The following ZNF487 variants were observed in gnomAD, a reference collection of about 807,000 sequenced individuals.
ZNF487 encodes the protein KRAB domain only 1.
In ZNF487, 4 loss-of-function variants were observed where a neutral mutation model predicts 3.0. The observed-to-expected ratio is 1.35, with a 90% CI of 0.66 to 3.08. The LOEUF (loss-of-function observed/expected upper bound fraction) is 3.08. ZNF487 is among the 30% of genes most tolerant of loss of function. The probability of loss-of-function intolerance (pLI) is 0.01; values close to 1 mark genes in which losing one functional copy is unlikely to be tolerated. For synonymous variants in ZNF487, 55 were observed against 34.6 expected (o/e 1.59, Z -2.06); for missense variants, 146 against 98.7 (o/e 1.48, Z -2.03).
the ZNF487 span, among the ~76,000 whole-genome samples, chr10:43,520,298 G>A: frequency 0.15 from 22,462 of 151,966 alleles, 1,817 homozygotes; most frequent in Middle Eastern, 0.22. Context: ...TTGATTGTAT[G>A]GCCTGGGTTG....
chr10:43,451,954 C>T (rs942932426), intron 1 of ZNF487: 6 of 152,244 alleles, frequency 3.9e-5, no homozygotes, highest in Non-Finnish European at 7.3e-5. Flanking sequence ...AGAGTTCCTA[C>T]ACCGCAAAGT....
At chr10:43,468,083 G>T (rs1203915388) in intron 1 of ZNF487, among the ~76,000 whole-genome samples, 1 of 152,180 alleles carries the variant, frequency 6.6e-6, no homozygotes, top group Non-Finnish European at 1.5e-5. Context: ...TGTGGAAATA[G>T]CATAACTAGA....
At chr10:43,515,126 G>A in the ZNF487 span, among the ~76,000 whole-genome samples, 104,187 of 152,130 alleles carry the variant, frequency 0.68, 37,543 homozygotes, top group Non-Finnish European at 0.81. Context: ...ATCAAACTTT[G>A]TGTTCTTTCC....
chr10:43,509,057 G>A, the ZNF487 span, among the ~76,000 whole-genome samples: 2 of 150,886 alleles, frequency 1.3e-5, no homozygotes, highest in Non-Finnish European at 1.5e-5. Flanking sequence ...AGCTAGGCAT[G>A]GTGGTGCACA....
the ZNF487 span, among the ~76,000 whole-genome samples, chr10:43,493,709 A>AAAAAAAAAAATATATAT: frequency 4.6e-5 from 2 of 43,720 alleles, no homozygotes; most frequent in Admixed American, 4.4e-4. Context: ...AAAAAAAAAA[A>AAAAAAAAAAATATATAT]ATATATATAT....
Position 43,482,825 on chromosome 10 carries a change from A to T in ZNF487, c.*903A>T. ...ATCAGAGAATTCACACAGGGGAGAA[A>T]CCCTATGAATGTAATGAATGTGAGA... On this transcript the variant is annotated 3_prime_UTR_variant, in exon 4 of 4. Coordinates refer to ENST00000437590, the MANE Select transcript of ZNF487 (RefSeq NM_001355444.3). 1.9e-6 allele frequency: 1 copy of T among 522,280 alleles called. No individual in the cohort carries two copies. Among genetic ancestry groups the T allele is most frequent in the Non-Finnish European group, 3.9e-6 (1 of 254,350 alleles). 32.4% of individuals were successfully genotyped at this position (522,280 alleles called of 1,614,324 possible).
chr10:43,504,842 G>A, the ZNF487 span, among the ~76,000 whole-genome samples: 1 of 151,810 alleles, frequency 6.6e-6, no homozygotes, highest in Admixed American at 6.6e-5. Flanking sequence ...GAGTAGCTGG[G>A]ACTACAGGCA....
chr10:43,463,635 C>G (rs1388550690), intron 1 of ZNF487, among the ~76,000 whole-genome samples: 2 of 151,802 alleles, frequency 1.3e-5, no homozygotes, highest in Non-Finnish European at 2.9e-5. Context: ...TCTTCCCATC[C>G]CACCTTGGTC....
the ZNF487 span, among the ~76,000 whole-genome samples, chr10:43,516,294 C>A: frequency 6.6e-6 from 1 of 152,264 alleles, no homozygotes; most frequent in East Asian, 1.9e-4. Context: ...GTTTTTCATA[C>A]TATTAGAAGT....
At chr10:43,493,321 C>T in the ZNF487 span, among the ~76,000 whole-genome samples, 64 of 152,202 alleles carry the variant, frequency 4.2e-4, no homozygotes, top group Middle Eastern at 6.8e-3. Context: ...CCTACATTTC[C>T]GCATTTCCTT....
intron 1 of ZNF487, among the ~76,000 whole-genome samples, chr10:43,467,714 G>A (rs185152492): frequency 1.4e-3 from 219 of 151,824 alleles, no homozygotes; most frequent in Non-Finnish European, 2.4e-3. Context: ...CTACTCGGGA[G>A]GCTGGGGCAA....
At chr10:43,465,920 C>A (rs1840680363) in intron 1 of ZNF487, among the ~76,000 whole-genome samples, 1 of 152,224 alleles carries the variant, frequency 6.6e-6, no homozygotes, top group Admixed American at 6.5e-5. Flanking sequence ...GTGAACGAGA[C>A]TCTGTCTGCA....
the ZNF487 span, chr10:43,523,801 G>A: frequency 5.9e-5 from 9 of 152,138 alleles, no homozygotes; most frequent in African/African-American, 1.9e-4. Context: ...ACTCACAGAA[G>A]GGAAAATCAC....
intron 3 of ZNF487, among the ~76,000 whole-genome samples, chr10:43,477,939 A>G (rs1441393323): frequency 6.6e-6 from 1 of 151,520 alleles, no homozygotes; most frequent in East Asian, 1.9e-4. Context: ...GACAAGAGCG[A>G]GACTCCATCT....
chr10:43,482,905 A>AG lies in ZNF487; in HGVS notation c.*984dup, dbSNP rs756676954. 1.2e-4 allele frequency: 66 copies of AG among 532,994 alleles called. No individual in the cohort carries two copies. Among genetic ancestry groups the AG allele is most frequent in the South Asian group, 8.5e-4 (61 of 71,724 alleles). 33.0% of individuals were successfully genotyped at this position (532,994 alleles called of 1,614,324 possible). On this transcript the variant is annotated 3_prime_UTR_variant, in exon 4 of 4. Transcript: ENST00000437590. Reference sequence around the variant, plus strand: ...GTACATCAGAGAACCCACACAGGAGAGAAACCCTATGCATGTAGTGAATGT... The same window carrying AG: ...GTACATCAGAGAACCCACACAGGAGAGGAAACCCTATGCATGTAGTGAATGT...
At chr10:43,508,961 G>A in the ZNF487 span, among the ~76,000 whole-genome samples, 4 of 152,268 alleles carry the variant, frequency 2.6e-5, no homozygotes, top group Middle Eastern at 6.8e-3. Flanking sequence ...TCAAGAGGCT[G>A]AGGCAGGCAG....
chr10:43,480,166 G>T (rs77339715), intron 3 of ZNF487, among the ~76,000 whole-genome samples: 10,587 of 150,088 alleles, frequency 0.071, 527 homozygotes, highest in East Asian at 0.2. Flanking sequence ...GGAGTGCAGT[G>T]GCACAATCTA....
chr10:43,464,230 C>T (rs1198613517), intron 1 of ZNF487, among the ~76,000 whole-genome samples: 2 of 150,266 alleles, frequency 1.3e-5, no homozygotes, highest in Non-Finnish European at 3.0e-5. Flanking sequence ...GTCACCCAGG[C>T]TGGAGTGCAG....
chr10:43,518,068 C>T, the ZNF487 span, among the ~76,000 whole-genome samples: 2 of 152,088 alleles, frequency 1.3e-5, no homozygotes, highest in Non-Finnish European at 2.9e-5. Flanking sequence ...TAGGCCATTG[C>T]CTAAGAGTTG....
Sources: gnomAD v4.1 joint callset for allele counts (sites outside exome capture counted in the v4.1 genomes callset) on GRCh38, gnomAD v4.1.1 for gene constraint, MANE v1.5 for transcripts, NCBI Gene and HGNC (gene_info 2026-07-23, HGNC 2026-07-21) for gene names.